CLIP1: variants seen among roughly 807,000 people sequenced by gnomAD.
CLIP1 encodes the protein CAP-Gly domain containing linker protein 1.
CLIP1 carries 66 observed loss-of-function variants against 161.6 expected under a neutral mutation model. The observed-to-expected ratio is 0.41, with a 90% confidence interval of 0.33 to 0.50. The LOEUF is 0.50. Ranked by LOEUF, CLIP1 falls within the 20% of genes least tolerant of loss-of-function variation. The probability of loss-of-function intolerance (pLI) is 0.27; values close to 1 mark genes in which losing one functional copy is unlikely to be tolerated. For synonymous variants in CLIP1, 598 were observed against 626.2 expected, an observed-to-expected ratio of 0.96 and a Z score of 0.67; for missense variants, 1,376 against 1,702.0, an observed-to-expected ratio of 0.81 and a Z score of 3.37.
In CLIP1 at chr12:122,346,344, C is replaced by T. The variant is rs775485044; in HGVS notation, c.1506+1031G>A. 7.9e-5 allele frequency among the ~76,000 whole-genome samples: 12 copies of T among 152,180 alleles called. 1 individual carries two copies. Among genetic ancestry groups the T allele is most frequent in the Admixed American group, 7.2e-4 (11 of 15,274 alleles). Reference sequence around the variant, plus strand: ...ACCTGCAAAGCACTTAGAATAGTGTCTGGCATGAAGTATGCACTATATAGG... The same window carrying T: ...ACCTGCAAAGCACTTAGAATAGTGTTTGGCATGAAGTATGCACTATATAGG... On this transcript the variant is annotated intron_variant, in intron 10 of 25. Coordinates refer to ENST00000620786, the MANE Select transcript of CLIP1 (RefSeq NM_001247997.2).
chr12:122,307,222 C>T (rs1337940175), intron 20 of CLIP1, among the ~76,000 whole-genome samples: 2 of 151,548 alleles, frequency 1.3e-5, no homozygotes, highest in African/African-American at 2.4e-5. Flanking sequence ...TTGGCCAGGC[C>T]GGTCTCGAAC....
intron 5 of CLIP1, among the ~76,000 whole-genome samples, chr12:122,356,474 C>T (rs141573123): frequency 6.6e-6 from 1 of 152,204 alleles, no homozygotes; most frequent in Non-Finnish European, 1.5e-5. Flanking sequence ...CAAAAATCAA[C>T]ATGCACAGGA....
intron 1 of CLIP1, among the ~76,000 whole-genome samples, chr12:122,404,592 T>G (rs990635949): frequency 6.8e-6 from 1 of 146,318 alleles, no homozygotes; most frequent in Non-Finnish European, 1.5e-5. Context: ...AGAGCAAGAC[T>G]CCATCTGAAA....
At chr12:122,347,133 A>G (rs939029764) in intron 10 of CLIP1, among the ~76,000 whole-genome samples, 2 of 152,220 alleles carry the variant, frequency 1.3e-5, no homozygotes, top group African/African-American at 4.8e-5. Flanking sequence ...TTCAGTTGTA[A>G]AGTTTCTGAT....
rs1487376127 is a variant in CLIP1, at chr12:122,272,082, CT to C, written c.*792del. ...TCCTAATGATCATTTTAAGTGTTTT[CT>C]TTTTCAAAAAGGTAAATGTCCAAAA... On this transcript the variant is annotated 3_prime_UTR_variant, in exon 26 of 26. Transcript: ENST00000620786. The C allele has an allele frequency of 6.6e-6, 1 of 152,252 alleles. No homozygotes were observed. Among genetic ancestry groups the C allele is most frequent in the Non-Finnish European group, 1.5e-5 (1 of 68,010 alleles). 9.4% of individuals were successfully genotyped at this position (152,252 alleles called of 1,614,324 possible).
At position 122,389,758 on chromosome 12, in the gene CLIP1, C is replaced by CAAAAAAAAAAAAAAAA. The variant is rs57168188; in HGVS notation, c.-106-9216_-106-9201dup. 4.8e-4 allele frequency among the ~76,000 whole-genome samples: 33 copies of CAAAAAAAAAAAAAAAA among 69,294 alleles called. 1 individual carries two copies. Among genetic ancestry groups the CAAAAAAAAAAAAAAAA allele is most frequent in the Non-Finnish European group, 6.5e-4 (25 of 38,252 alleles). 45.5% of individuals were successfully genotyped at this position (69,294 alleles called of 152,430 possible). ...AGGAGAGCAGAATGAGATCCTGTCT[C>CAAAAAAAAAAAAAAAA]AAAAAAAAAAAAAAAAAAAAAAAAA... On this transcript the variant is annotated intron_variant, in intron 1 of 25. Transcript: ENST00000620786.
intron 1 of CLIP1, among the ~76,000 whole-genome samples, chr12:122,416,229 A>C (rs1956751960): frequency 6.6e-6 from 1 of 152,048 alleles, no homozygotes; most frequent in African/African-American, 2.4e-5. Context: ...AGAAAAAAAA[A>C]GTCCTGAACA....
intron 12 of CLIP1, among the ~76,000 whole-genome samples, chr12:122,335,458 G>A (rs1283690976): frequency 6.6e-6 from 1 of 151,884 alleles, no homozygotes; most frequent in Non-Finnish European, 1.5e-5. Context: ...AAAAGGCAAG[G>A]CATCCTAAAA....
At chr12:122,337,594 T>A (rs1464089446) in intron 11 of CLIP1, among the ~76,000 whole-genome samples, 2 of 152,134 alleles carry the variant, frequency 1.3e-5, no homozygotes, top group Non-Finnish European at 2.9e-5. Context: ...CAGAGACTAT[T>A]TTTAAATAGT....
At chr12:122,322,231 G>T (rs1157340967) in intron 17 of CLIP1, 1 of 152,584 alleles carries the variant, frequency 6.6e-6, no homozygotes, top group Admixed American at 6.5e-5. Context: ...TATGGCTGTT[G>T]GTTTTGGCCA....
intron 5 of CLIP1, among the ~76,000 whole-genome samples, chr12:122,359,225 C>T (rs574719601): frequency 6.9e-4 from 105 of 152,034 alleles, no homozygotes; most frequent in Non-Finnish European, 1.3e-3. Flanking sequence ...GGCTTAGAAA[C>T]CATAAAGACA....
At position 122,372,682 on chromosome 12, in the gene CLIP1, T is replaced by C. The variant is rs115553808; in HGVS notation, c.657+4707A>G. Among the ~76,000 whole-genome samples the C allele has an allele frequency of 6.1e-3, 933 of 152,176 alleles. 6 individuals are homozygous for C. Among genetic ancestry groups the C allele is most frequent in the African/African-American group, 0.021 (872 of 41,518 alleles). On this transcript the variant is annotated intron_variant, in intron 3 of 25. Transcript: ENST00000620786. The stretch of plus-strand genomic sequence containing the variant: ...AAGGAATTAAGCTAAGTAAAATCCA[T>C]TGTGTTAGAAACGATCTCAAGATTC...
chr12:122,330,597 G>GTTTTTTTTTTTTTGTTTTTTTTTTTTTTT (rs1555265518), intron 15 of CLIP1, among the ~76,000 whole-genome samples: 5 of 101,378 alleles, frequency 4.9e-5, no homozygotes, highest in African/African-American at 2.2e-4. Flanking sequence ...GTATAATGCA[G>GTTTTTTTTTTTTTGTTTTTTTTTTTTTTT]TTTTTTTTTT....
chr12:122,354,814 C>G (rs1439772201), intron 6 of CLIP1: 2 of 575,600 alleles, frequency 3.5e-6, no homozygotes, highest in Non-Finnish European at 6.2e-6. Context: ...AATCCACAAA[C>G]AGCAGCTATA....
intron 21 of CLIP1, among the ~76,000 whole-genome samples, chr12:122,287,486 A>T (rs1955905923): frequency 6.6e-6 from 1 of 152,218 alleles, no homozygotes; most frequent in Admixed American, 6.5e-5. Context: ...GAAAAAGCAC[A>T]TCACTGTTGT....
At position 122,333,243 on chromosome 12, in the gene CLIP1, T is replaced by C. The variant is rs1028732985; in HGVS notation, c.2711-100A>G. ...TGGTAATATTTTCACACAGCAATTC[T>C]TGTCCTCATAAAAATCACATTCTAG... On this transcript the variant is annotated intron_variant, in intron 14 of 25. Transcript: ENST00000620786. The C allele has an allele frequency of 5.8e-5, 50 of 858,606 alleles. No individual in the cohort carries two copies. The African/African-American group carries it at 7.3e-4, about 13-fold the overall frequency. 53.2% of individuals were successfully genotyped at this position (858,606 alleles called of 1,614,324 possible). A position where few individuals can be genotyped will look rare whatever the true frequency, so the allele number is the denominator to read the frequency against.
chr12:122,327,799 G>A (rs571679696), intron 17 of CLIP1, 148 bp downstream of exon 17: 107 of 650,040 alleles, frequency 1.6e-4, no homozygotes, highest in Non-Finnish European at 2.0e-4. Flanking sequence ...GAAATGTAAT[G>A]TACCACCCTG....
At chr12:122,308,947 G>T (rs1361011729) in intron 20 of CLIP1, among the ~76,000 whole-genome samples, 1 of 151,964 alleles carries the variant, frequency 6.6e-6, no homozygotes, top group African/African-American at 2.4e-5. Flanking sequence ...AACACACAAC[G>T]GGAAAAAAAA....
Position 122,334,047 on chromosome 12 carries a change from T to C in CLIP1, c.2690A>G (p.Lys897Arg). ...CTTACCTGCTAAGTTTTCTCTCAGC[T>C]TCTCCAAGTCAGAAGACAGCATGTT... is the stretch of plus-strand genomic sequence containing the variant. ...QFNMLSSDLE[K>R]LRENLADMEA... The change falls in exon 14 of 26, where the codon AAG becomes AGG. Residue 897 changes from lysine (K) to arginine (R), a missense_variant. This residue lies in a region of CLIP1 where 948 missense variants were observed against 1,134.8 expected (regional missense o/e 0.84). Transcript: ENST00000620786. The C allele has an allele frequency of 6.2e-7, 1 of 1,612,378 alleles. No individual in the cohort carries two copies. Among genetic ancestry groups the C allele is most frequent in the South Asian group, 1.1e-5 (1 of 91,020 alleles).
Sources: gnomAD v4.1 joint callset for allele counts (sites outside exome capture counted in the v4.1 genomes callset) on GRCh38, gnomAD v4.1.1 for gene constraint, gnomAD v4.1.1 regional missense constraint, MANE v1.5 for transcripts, NCBI Gene and HGNC (gene_info 2026-07-23, HGNC 2026-07-21) for gene names.